ATP6V1H: variants seen among roughly 807,000 people sequenced by gnomAD.
The protein encoded by ATP6V1H is ATPase H+ transporting V1 subunit H, also known as V-type proton ATPase subunit H.
Under a neutral mutation model 71.7 loss-of-function variants are expected in ATP6V1H, and 39 were observed. The observed-to-expected ratio is 0.54, with a 90% CI of 0.42 to 0.71. The LOEUF (loss-of-function observed/expected upper bound fraction) is 0.71. Ranked by LOEUF, ATP6V1H falls within the 30% of genes least tolerant of loss-of-function variation. The pLI, the probability that ATP6V1H is intolerant of heterozygous loss-of-function variation, is 0.00. For missense variants in ATP6V1H, 509 were observed against 594.9 expected (o/e 0.86, Z 1.50); for synonymous variants, 192 against 199.3 (o/e 0.96, Z 0.31).
intron 4 of ATP6V1H, among the ~76,000 whole-genome samples, chr8:53,828,537 T>A (rs1810895647): frequency 6.6e-6 from 1 of 152,196 alleles, no homozygotes; most frequent in East Asian, 1.9e-4. Flanking sequence ...CATTCACATT[T>A]TTCTAAACTT....
chr8:53,809,891 T>C (rs1183195392), intron 7 of ATP6V1H, among the ~76,000 whole-genome samples: 1 of 152,194 alleles, frequency 6.6e-6, no homozygotes, highest in East Asian at 1.9e-4. Flanking sequence ...CAGGATCGCG[T>C]ATCTAGTTCT....
chr8:53,774,850 G>C (rs1159702482), intron 9 of ATP6V1H, among the ~76,000 whole-genome samples: 2 of 152,192 alleles, frequency 1.3e-5, no homozygotes, highest in Non-Finnish European at 2.9e-5. Context: ...AATTCAGAGT[G>C]ACTACAGCGG....
chr8:53,775,073 C>G (rs1352534880), intron 9 of ATP6V1H, among the ~76,000 whole-genome samples: 1 of 152,332 alleles, frequency 6.6e-6, no homozygotes, highest in East Asian at 1.9e-4. Flanking sequence ...TTTGTTCCCT[C>G]TGATGTTCAG....
chr8:53,736,173 G>A (rs1807195789), intron 13 of ATP6V1H, among the ~76,000 whole-genome samples: 1 of 152,138 alleles, frequency 6.6e-6, no homozygotes, highest in African/African-American at 2.4e-5. Context: ...GTCCTTGCTA[G>A]CACTTATATA....
chr8:53,761,684 T>C (rs1808278217), intron 11 of ATP6V1H, among the ~76,000 whole-genome samples: 1 of 152,238 alleles, frequency 6.6e-6, no homozygotes, highest in Non-Finnish European at 1.5e-5. Flanking sequence ...CTGTCAGTCT[T>C]GCTGACATCA....
chr8:53,735,358 T>C (rs998419763), intron 13 of ATP6V1H, among the ~76,000 whole-genome samples: 6 of 152,160 alleles, frequency 3.9e-5, no homozygotes, highest in African/African-American at 1.4e-4. Context: ...TGTAGCTGAC[T>C]TGGTACAGAA....
Position 53,730,937 on chromosome 8 carries a change from A to G in ATP6V1H, c.1391+12640T>C, listed in dbSNP as rs149781004. Among the ~76,000 whole-genome samples the G allele has an allele frequency of 2.3e-3, 347 of 152,290 alleles. 2 individuals are homozygous for G. The highest frequency in any genetic ancestry group is 8.1e-3 in the African/African-American group (335 of 41,548). ...GGACTCACCGACATCCACAGTCCAC[A>G]TGACATGAGAAAGATAAACCCCTTA... On this transcript the variant is annotated intron_variant, in intron 13 of 13. Transcript: ENST00000359530.
At chr8:53,807,113 A>T (rs1585809197) in intron 7 of ATP6V1H, among the ~76,000 whole-genome samples, 2 of 152,326 alleles carry the variant, frequency 1.3e-5, no homozygotes, top group Non-Finnish European at 2.9e-5. Flanking sequence ...CTGCTACTTA[A>T]TCAGCACTTT....
chr8:53,743,772 A>G, intron 12 of ATP6V1H, 82 bp from the exon 13 acceptor site: 1 of 878,594 alleles, frequency 1.1e-6, no homozygotes, highest in Non-Finnish European at 1.8e-6. Context: ...AAATACCAAC[A>G]CGCTAAAAAG....
chr8:53,842,013 T>C (rs537482661), intron 1 of ATP6V1H, among the ~76,000 whole-genome samples: 1 of 152,298 alleles, frequency 6.6e-6, no homozygotes, highest in African/African-American at 2.4e-5. Flanking sequence ...TCAGAAATCA[T>C]GATTAAATAG....
chr8:53,836,943 C>T (rs927641053), intron 2 of ATP6V1H, among the ~76,000 whole-genome samples: 6 of 152,042 alleles, frequency 3.9e-5, no homozygotes, highest in African/African-American at 1.4e-4. Context: ...GAGTTCGAGA[C>T]CAGCCTGGCC....
chr8:53,717,483 C>A (rs1806466419), intron 13 of ATP6V1H, among the ~76,000 whole-genome samples: 1 of 152,178 alleles, frequency 6.6e-6, no homozygotes. Flanking sequence ...TTATAACTGA[C>A]TCATTAATTT....
At chr8:53,747,383 AT>A (rs749009813) in intron 12 of ATP6V1H, among the ~76,000 whole-genome samples, 82 of 152,164 alleles carry the variant, frequency 5.4e-4, no homozygotes, top group Non-Finnish European at 1.0e-3. Context: ...CGTTTCCTTA[AT>A]TAGGAAGGTC....
intron 7 of ATP6V1H, among the ~76,000 whole-genome samples, chr8:53,808,638 CT>C (rs1444683958): frequency 6.6e-6 from 1 of 151,926 alleles, no homozygotes; most frequent in African/African-American, 2.4e-5. Flanking sequence ...GGCATGGTGG[CT>C]CGTGCTTGTA....
chr8:53,798,759 T>C lies in ATP6V1H; in HGVS notation c.678-2920A>G, dbSNP rs368127015. On this transcript the variant is annotated intron_variant, in intron 8 of 13. Transcript: ENST00000359530. Reference sequence around the variant, plus strand: ...CAGCAAGTTATTATACTTTTATTAATGCCCATTTCTCCACCTAAAGGTTTA... The same window carrying C: ...CAGCAAGTTATTATACTTTTATTAACGCCCATTTCTCCACCTAAAGGTTTA... Among the ~76,000 whole-genome samples, 4 of 152,334 alleles carry C rather than the reference T, an allele frequency of 2.6e-5. No individual in the cohort carries two copies. In the East Asian group the frequency reaches 7.7e-4, roughly 29 times the overall value.
At chr8:53,819,610 G>A (rs1211004393) in intron 4 of ATP6V1H, among the ~76,000 whole-genome samples, 2 of 66,362 alleles carry the variant, frequency 3.0e-5, no homozygotes, top group Non-Finnish European at 2.6e-5. Flanking sequence ...TACACACATT[G>A]TATATACATA....
At chr8:53,745,904 G>A (rs1003595071) in intron 12 of ATP6V1H, among the ~76,000 whole-genome samples, 16 of 152,130 alleles carry the variant, frequency 1.1e-4, no homozygotes, top group African/African-American at 3.6e-4. Context: ...CTACAAAAGC[G>A]CCTCTAGTAT....
At chr8:53,787,289 C>G (rs1809419206) in intron 9 of ATP6V1H, among the ~76,000 whole-genome samples, 1 of 152,190 alleles carries the variant, frequency 6.6e-6, no homozygotes, top group African/African-American at 2.4e-5. Context: ...ATTCCTGAAA[C>G]AGGGGATAAG....
intron 7 of ATP6V1H, among the ~76,000 whole-genome samples, chr8:53,805,133 T>C (rs1226485227): frequency 1.3e-5 from 2 of 152,228 alleles, no homozygotes; most frequent in Non-Finnish European, 2.9e-5. Flanking sequence ...TCAATATTCA[T>C]CTTCATAATG....
Sources: allele counts gnomAD v4.1 joint callset (sites outside exome capture counted in the v4.1 genomes callset), GRCh38; gene constraint gnomAD v4.1.1; transcripts MANE v1.5; gene names NCBI Gene and HGNC (gene_info 2026-07-23, HGNC 2026-07-21).